COL4A3: variants seen among roughly 807,000 people sequenced by gnomAD.
COL4A3 encodes the protein collagen alpha-3(IV) chain.
A neutral mutation model predicts 217.4 loss-of-function variants in COL4A3; 135 were observed. The observed-to-expected ratio is 0.62, with a 90% CI of 0.54 to 0.72. COL4A3 has a LOEUF of 0.72. Among genes scored for constraint, COL4A3 ranks in the 30% least tolerant of loss-of-function variants. COL4A3 has a pLI of 0.00. For missense variants in COL4A3, 1,868 were observed against 2,119.9 expected, an observed-to-expected ratio of 0.88 and a Z score of 2.33; for synonymous variants, 690 against 736.3, an observed-to-expected ratio of 0.94 and a Z score of 1.02.
chr2:227,285,023 A>C (rs1311271893), intron 34 of COL4A3, among the ~76,000 whole-genome samples: 1 of 152,106 alleles, frequency 6.6e-6, no homozygotes, highest in Non-Finnish European at 1.5e-5. Flanking sequence ...ATGTAATCCC[A>C]AGCAACTTTA....
Position 227,261,103 on chromosome 2 carries a change from TTCCTGGAAG to T in COL4A3, c.1143_1150+1del, listed in dbSNP as rs1274459294. The T allele has an allele frequency of 3.7e-6, 6 of 1,612,028 alleles. No individual in the cohort carries two copies. In the African/African-American group the frequency reaches 8.0e-5, roughly 22 times the overall value. On this transcript the variant is annotated inframe_deletion, in exon 20 of 52. Coordinates refer to ENST00000396578, the MANE Select transcript of COL4A3 (RefSeq NM_000091.5). ...CCAGGTCCCAGTGGTCCCCCCGGAG[TTCCTGGAAG>T]TCCTGGTATGTCCATGTTTCTTGGG... is the stretch of plus-strand genomic sequence containing the variant.
chr2:227,291,992 C>T (rs930403286), intron 37 of COL4A3, among the ~76,000 whole-genome samples: 5 of 152,194 alleles, frequency 3.3e-5, no homozygotes, highest in Non-Finnish European at 7.3e-5. Context: ...CCATGGACCA[C>T]TGGGAAAATC....
At chr2:227,173,216 T>C (rs1259496396) in intron 1 of COL4A3, among the ~76,000 whole-genome samples, 3 of 152,176 alleles carry the variant, frequency 2.0e-5, no homozygotes, top group African/African-American at 7.3e-5. Context: ...ATATCATTTC[T>C]ATAATAAAAA....
chr2:227,172,122 G>A (rs1483460220), intron 1 of COL4A3, among the ~76,000 whole-genome samples: 1 of 152,196 alleles, frequency 6.6e-6, no homozygotes, highest in Non-Finnish European at 1.5e-5. Context: ...GCCTCTTAAT[G>A]TGCATGCTTG....
chr2:227,240,327 C>A, intron 3 of COL4A3, 95 bp downstream of exon 3: 1 of 1,166,820 alleles, frequency 8.6e-7, no homozygotes, highest in Non-Finnish European at 1.3e-6. Context: ...AATTCCACAT[C>A]TTAGCCAACT....
At chr2:227,222,616 A>C (rs1178987411) in intron 1 of COL4A3, 1 of 152,250 alleles carries the variant, frequency 6.6e-6, no homozygotes, top group Non-Finnish European at 1.5e-5. Context: ...AGTTATGCAC[A>C]AAACAAATGA....
At chr2:227,174,190 A>G (rs2065592592) in intron 1 of COL4A3, among the ~76,000 whole-genome samples, 2 of 152,240 alleles carry the variant, frequency 1.3e-5, no homozygotes. Context: ...CAAGCATTGT[A>G]ATTTTCTAAG....
intron 3 of COL4A3, among the ~76,000 whole-genome samples, chr2:227,240,484 T>G (rs943926841): frequency 1.6e-4 from 24 of 152,212 alleles, no homozygotes; most frequent in African/African-American, 5.5e-4. Flanking sequence ...TGTCTACATC[T>G]GCATCTGTTC....
At chr2:227,311,645 TG>T in intron 51 of COL4A3, 140 bp from the exon 52 acceptor site, 1 of 719,748 alleles carries the variant, frequency 1.4e-6, no homozygotes, top group Non-Finnish European at 2.3e-6. Context: ...CCCAAATTGC[TG>T]GGATTACAGG....
rs1559873550 is a variant in COL4A3, at chr2:227,257,621, G to T, written c.1006G>T (p.Gly336Cys). 1 of 1,613,748 alleles carries T rather than the reference G, an allele frequency of 6.2e-7. No homozygotes were observed. The highest frequency in any genetic ancestry group is 8.5e-7 in the Non-Finnish European group (1 of 1,179,676). The change falls in exon 18 of 52, where the codon GGC becomes TGC. Residue 336 changes from glycine to cysteine, a missense_variant. Around this residue, in one of 2 missense-constraint regions of COL4A3, gnomAD observed 1,503 missense variants for 1,786.1 expected, o/e 0.84. Coordinates refer to ENST00000396578, the MANE Select transcript of COL4A3 (RefSeq NM_000091.5). ...DGIKGQKGDI[G>C]PPGFRGPTEY... is the part of the protein sequence containing the mutation. The stretch of plus-strand genomic sequence containing the variant: ...ACTGTAGGGACAGAAAGGGGACATT[G>T]GCCCTCCAGGATTTCGTGGTCCAGT...
intron 34 of COL4A3, 73 bp downstream of exon 34, chr2:227,284,418 G>T: frequency 6.5e-7 from 1 of 1,534,574 alleles, no homozygotes; most frequent in Non-Finnish European, 8.9e-7. Context: ...AGGCAAATCC[G>T]TTTGGTTGAC....
chr2:227,247,650 AAAT>A (rs2069432267), intron 8 of COL4A3, 66 bp downstream of exon 8: 1 of 1,437,430 alleles, frequency 7.0e-7, no homozygotes, highest in Non-Finnish European at 9.8e-7. Context: ...GACGTCTATT[AAAT>A]AATGAGACTT....
intron 1 of COL4A3, among the ~76,000 whole-genome samples, chr2:227,206,234 C>A (rs571780077): frequency 2.0e-5 from 3 of 152,072 alleles, no homozygotes; most frequent in African/African-American, 7.2e-5. Context: ...CCACCACACC[C>A]GGCTAATTTT....
At chr2:227,248,640 AT>A (rs2069507564) in intron 9 of COL4A3, 120 bp downstream of exon 9, 1 of 681,500 alleles carries the variant, frequency 1.5e-6, no homozygotes, top group Middle Eastern at 3.0e-4. Context: ...TCTTAAGAAG[AT>A]TTTAAATAGA....
chr2:227,167,867 T>C (rs1365485316), intron 1 of COL4A3, among the ~76,000 whole-genome samples: 1 of 152,166 alleles, frequency 6.6e-6, no homozygotes, highest in Non-Finnish European at 1.5e-5. Flanking sequence ...TCCCAAAAAG[T>C]TTATGTATGT....
intron 5 of COL4A3, 123 bp downstream of exon 5, chr2:227,245,118 CT>C: frequency 1.1e-6 from 1 of 897,028 alleles, no homozygotes; most frequent in Non-Finnish European, 1.8e-6. Flanking sequence ...AAAATAGCAC[CT>C]TAGGATGGTA....
At chr2:227,207,220 T>C (rs1237996756) in intron 1 of COL4A3, among the ~76,000 whole-genome samples, 1 of 152,140 alleles carries the variant, frequency 6.6e-6, no homozygotes, top group Non-Finnish European at 1.5e-5. Context: ...ATCTGTGCCT[T>C]AGAAAAAGAG....
intron 20 of COL4A3, among the ~76,000 whole-genome samples, chr2:227,262,397 A>C (rs1480900052): frequency 6.6e-6 from 1 of 152,220 alleles, no homozygotes; most frequent in Non-Finnish European, 1.5e-5. Flanking sequence ...GAAGAATTTT[A>C]GGATAGTTTT....
Position 227,194,294 on chromosome 2 carries a change from C to G in COL4A3, c.87+29481C>G, listed in dbSNP as rs1021472247. Among the ~76,000 whole-genome samples the G allele has an allele frequency of 3.3e-5, 5 of 152,150 alleles. No individual in the cohort carries two copies. The East Asian group carries it at 5.8e-4, about 18-fold the overall frequency. The stretch of plus-strand genomic sequence containing the variant: ...AAACCGTCTGAGATAGTTCAACAGA[C>G]AAGTTATTTCCACCACTGCTCCCTT... On this transcript the variant is annotated intron_variant, in intron 1 of 51. Transcript: ENST00000396578.
Sources: allele counts gnomAD v4.1 joint callset (sites outside exome capture counted in the v4.1 genomes callset), GRCh38; gene constraint gnomAD v4.1.1; regional missense constraint gnomAD v4.1.1; transcripts MANE v1.5; gene names NCBI Gene and HGNC (gene_info 2026-07-23, HGNC 2026-07-21).